PRRT3: variants seen among roughly 807,000 people sequenced by gnomAD.
PRRT3 encodes proline-rich transmembrane protein 3.
Under a neutral mutation model 56.6 loss-of-function variants are expected in PRRT3, and 48 were observed. The observed-to-expected ratio is 0.85, with a 90% CI of 0.67 to 1.08. The LOEUF is 1.08. PRRT3 is among the 50% of genes least tolerant of loss of function. The probability of loss-of-function intolerance (pLI) is 0.00; values close to 1 mark genes in which losing one functional copy is unlikely to be tolerated. For synonymous variants in PRRT3, 641 were observed against 619.1 expected, an observed-to-expected ratio of 1.04 and a Z score of -0.52; for missense variants, 1,370 against 1,353.1, an observed-to-expected ratio of 1.01 and a Z score of -0.20.
chr3:9,950,771 G>A (rs1045363475), intron 1 of PRRT3, among the ~76,000 whole-genome samples: 2 of 152,200 alleles, frequency 1.3e-5, no homozygotes, highest in Non-Finnish European at 2.9e-5. Flanking sequence ...CTAAAGTGCT[G>A]GGATTACAGG....
rs552062536 is a variant in PRRT3, at chr3:9,945,642, C to T, written c.*585G>A. 5.9e-5 allele frequency: 9 copies of T among 153,402 alleles called. No individual in the cohort carries two copies. Among genetic ancestry groups the T allele is most frequent in the African/African-American group, 1.7e-4 (7 of 41,432 alleles). The allele number at this position is 153,402 out of a possible 1,614,324, so 9.5% of individuals were successfully genotyped here. A position where few individuals can be genotyped will look rare whatever the true frequency, so the allele number is the denominator to read the frequency against. ...GAGTCTGGGGCACCTGCTCCCTGTT[C>T]TTCATGCCCGAATCCATGCACACCC... On this transcript the variant is annotated 3_prime_UTR_variant, in exon 4 of 4. Coordinates refer to ENST00000412055, the MANE Select transcript of PRRT3 (RefSeq NM_207351.5).
rs1223221993 is a variant in PRRT3, at chr3:9,947,173, C to A, written c.2000G>T (p.Arg667Leu). 4 of 1,533,264 alleles carry A rather than the reference C, an allele frequency of 2.6e-6. No homozygotes were observed. Among genetic ancestry groups the A allele is most frequent in the Middle Eastern group, 1.8e-4 (1 of 5,598 alleles). The allele number at this position is 1,533,264 out of a possible 1,614,324, so 95.0% of individuals were successfully genotyped here. A position where few individuals can be genotyped will look rare whatever the true frequency, so the allele number is the denominator to read the frequency against. ...AALWLYPGPG[R>L]VGRFSWAWWG... ...CCAGGCCCACGAGAAGCGGCCCACGCGGCCTGGGCCCGGGTACAGCCAGAG... is the reference window on the plus strand; with the variant it reads ...CCAGGCCCACGAGAAGCGGCCCACGAGGCCTGGGCCCGGGTACAGCCAGAG... Residue 667 changes from arginine (R) to leucine (L), a missense_variant, in exon 4 of 4, where the codon CGC (arginine) becomes CTC (leucine). Arg to Leu is a moderately radical substitution (Grantham distance 102, BLOSUM62 -2). Coordinates refer to ENST00000412055, the MANE Select transcript of PRRT3 (RefSeq NM_207351.5). This position sits in a 1 kb window ranked among gnomAD's most constrained non-coding sequence, Gnocchi z 9.2.
intron 3 of PRRT3, 27 bp downstream of exon 3, chr3:9,948,731 C>T (rs1163991050): frequency 9.9e-6 from 16 of 1,613,602 alleles, no homozygotes; most frequent in Non-Finnish European, 6.8e-6. Context: ...AGCACTCCCT[C>T]TCCCCACACC....
chr3:9,948,948 C>G (rs759074419), intron 2 of PRRT3, 35 bp from the exon 3 acceptor site: 5 of 1,535,208 alleles, frequency 3.3e-6, no homozygotes, highest in Non-Finnish European at 3.5e-6. Context: ...CTTACCTGAC[C>G]CTCCTATGGT....
Position 9,946,697 on chromosome 3 carries a change from C to G in PRRT3, c.2476G>C (p.Val826Leu). Residue 826 changes from valine (V) to leucine (L), a missense_variant, in exon 4 of 4, where the codon GTG becomes CTG. Coordinates refer to ENST00000412055, the MANE Select transcript of PRRT3 (RefSeq NM_207351.5). The surrounding 1 kb of genome is among the most constrained non-coding windows in gnomAD (Gnocchi z 4.1). ...CAGCGCTGGAACACACTGTCTCGCA[C>G]TAGGTGCTCGCGGAAGAGCGCGGCG... Reference protein sequence around the residue: ...IDAALFREHLVRDSVFQRCGL... With the variant: ...IDAALFREHLLRDSVFQRCGL... 3.4e-6 allele frequency: 5 copies of G among 1,468,906 alleles called. No individual in the cohort carries two copies. Among genetic ancestry groups the G allele is most frequent in the Non-Finnish European group, 4.5e-6 (5 of 1,118,138 alleles). The allele number at this position is 1,468,906 out of a possible 1,614,324, so 91.0% of individuals were successfully genotyped here.
At position 9,946,800 on chromosome 3, in the gene PRRT3, G is replaced by A; in HGVS notation, c.2373C>T (p.Asn791=). Residue 791 remains asparagine, a synonymous_variant, in exon 4 of 4, where the codon AAC becomes AAT. Transcript: ENST00000412055. This position sits in a 1 kb window ranked among gnomAD's most constrained non-coding sequence, Gnocchi z 4.1. The stretch of plus-strand genomic sequence containing the variant: ...TCAGCGATGGCGCCGGTCCCACACC[G>A]TTGCGGGACAGTCCCGGGCCACCCT... ...GPQGGPGLSR[N]GVGPAPSLSE... is the part of the protein sequence containing the mutation. 4 of 1,551,274 alleles carry A rather than the reference G, an allele frequency of 2.6e-6. No individual in the cohort carries two copies. The highest frequency in any genetic ancestry group is 2.6e-6 in the Non-Finnish European group (3 of 1,156,200).
Position 9,949,753 on chromosome 3 carries a change from T to C in PRRT3, c.363A>G (p.Gly121=). ...PVTDDLQMAQ[G]PSSHGWTGPL... is the part of the protein sequence containing the mutation. ...GTCCTGTCCAGCCGTGGGAGCTTGG[T>C]CCTTGAGCCATCTGGAGGTCATCAG... The change falls in exon 2 of 4, where the codon GGA becomes GGG. Residue 121 remains glycine (G), a synonymous_variant. Transcript: ENST00000412055. The surrounding 1 kb of genome is among the most constrained non-coding windows in gnomAD (Gnocchi z 4.5). The C allele has an allele frequency of 6.2e-7, 1 of 1,614,146 alleles. No individual in the cohort carries two copies. Among genetic ancestry groups the C allele is most frequent in the South Asian group, 1.1e-5 (1 of 91,078 alleles).
rs1163590462 is a variant in PRRT3, at chr3:9,949,845, G to C, written c.271C>G (p.Pro91Ala). 3 of 1,613,776 alleles carry C rather than the reference G, an allele frequency of 1.9e-6. No individual in the cohort carries two copies. The highest frequency in any genetic ancestry group is 2.5e-6 in the Non-Finnish European group (3 of 1,179,866). Residue 91 changes from proline (P) to alanine (A), a missense_variant, in exon 2 of 4, where the codon CCC becomes GCC. Pro to Ala is a conservative substitution (Grantham distance 27). Coordinates refer to ENST00000412055, the MANE Select transcript of PRRT3 (RefSeq NM_207351.5). The surrounding 1 kb of genome is among the most constrained non-coding windows in gnomAD (Gnocchi z 4.5). The part of the protein sequence containing the change: ...EEMPEKPVAS[P>A]LGPALYGPKA... ...GGCCCGTACAGGGCTGGGCCAAGGGGAGAGGCTACAGGCTTCTCAGGCATC... is the reference window on the plus strand; with the variant it reads ...GGCCCGTACAGGGCTGGGCCAAGGGCAGAGGCTACAGGCTTCTCAGGCATC...
rs1269219183 is a variant in PRRT3, at chr3:9,947,732, G to A, written c.1441C>T (p.Leu481Phe). 2 of 1,556,830 alleles carry A rather than the reference G, an allele frequency of 1.3e-6. No individual in the cohort carries two copies. Among genetic ancestry groups the A allele is most frequent in the Non-Finnish European group, 1.7e-6 (2 of 1,155,280 alleles). Residue 481 changes from leucine (L) to phenylalanine (F), a missense_variant, in exon 4 of 4, where the codon CTC (leucine) becomes TTC (phenylalanine). Physicochemically the swap from Leu to Phe is conservative, Grantham distance 22. Transcript: ENST00000412055. The surrounding 1 kb of genome is among the most constrained non-coding windows in gnomAD (Gnocchi z 9.2). ...GCCAACAACGCGGGCAGCAGAAAGA[G>A]TACCCCCACCCCGTAGACGTGCAGC... Reference protein sequence around the residue: ...WELHVYGVGVLFLLPALLALA... With the variant: ...WELHVYGVGVFFLLPALLALA...
rs546231069 is a variant in PRRT3 at position 9,947,948 on chromosome 3, C to G, written c.1225G>C (p.Val409Leu). The part of the protein sequence containing the change: ...RPQSHPPAPP[V>L]QAPSTSRRGL... ...CGGCGTGACGTCGAGGGGGCCTGGA[C>G]TGGGGGTGCTGGGGGATGGCTTTGG... is the stretch of plus-strand genomic sequence containing the variant. The change falls in exon 4 of 4, where the codon GTC becomes CTC. Residue 409 changes from valine to leucine, a missense_variant. Transcript: ENST00000412055. This position sits in a 1 kb window ranked among gnomAD's most constrained non-coding sequence, Gnocchi z 9.2. 28 of 1,384,946 alleles carry G rather than the reference C, an allele frequency of 2.0e-5. 4 individuals carry two copies. The South Asian group carries it at 5.0e-4, about 25-fold the overall frequency. The allele number at this position is 1,384,946 out of a possible 1,614,324, so 85.8% of individuals were successfully genotyped here.
chr3:9,947,097 G>A lies in PRRT3; in HGVS notation c.2076C>T (p.Ala692=), dbSNP rs2085538399. The change falls in exon 4 of 4, where the codon GCC becomes GCT. Residue 692 remains alanine, a synonymous_variant. Coordinates refer to ENST00000412055, the MANE Select transcript of PRRT3 (RefSeq NM_207351.5). This position sits in a 1 kb window ranked among gnomAD's most constrained non-coding sequence, Gnocchi z 9.2. ...CGGCAGCCACCGCGGCCAACGCCAG[G>A]GCGAGCGCCCATGTCAGCTCCAGGA... ...LRLLELTWAL[A]LALAAVAAAR... is the part of the protein sequence containing the mutation. 2 of 1,536,658 alleles carry A rather than the reference G, an allele frequency of 1.3e-6. No homozygotes were observed. Among genetic ancestry groups the A allele is most frequent in the Non-Finnish European group, 1.7e-6 (2 of 1,146,600 alleles).
At chr3:9,948,252 C>T (rs2085562664) in intron 3 of PRRT3, 1 of 384,646 alleles carries the variant, frequency 2.6e-6, no homozygotes, top group Non-Finnish European at 4.6e-6. Context: ...CCCAGCAGTT[C>T]GACACATGGG....
Position 9,948,857 on chromosome 3 carries a change from C to T in PRRT3, c.1072G>A (p.Val358Met), listed in dbSNP as rs375040878. 147 of 1,610,030 alleles carry T rather than the reference C, an allele frequency of 9.1e-5. No individual in the cohort carries two copies. The highest frequency in any genetic ancestry group is 1.2e-4 in the Non-Finnish European group (140 of 1,177,914). The change falls in exon 3 of 4, where the codon GTG becomes ATG. Residue 358 changes from valine to methionine, a missense_variant. Coordinates refer to ENST00000412055, the MANE Select transcript of PRRT3 (RefSeq NM_207351.5). ...PISPQRVRGAVEAPGTPKSLI... is the reference protein window; with the variant it reads ...PISPQRVRGAMEAPGTPKSLI... ...GACTTGGGGGTGCCTGGGGCCTCCA[C>T]AGCTCCTCTCACCCGCTGGGGGGAG...
At position 9,946,300 on chromosome 3, in the gene PRRT3, C is replaced by T. The variant is rs370281350; in HGVS notation, c.2873G>A (p.Gly958Asp). The T allele has an allele frequency of 6.2e-6, 10 of 1,612,590 alleles. 1 individual carries two copies. Among genetic ancestry groups the T allele is most frequent in the Middle Eastern group, 1.6e-4 (1 of 6,082 alleles). ...PDSTAARQGD[G>D]QGEVQPRGKP... ...GCCGCGCGGCTGGACCTCTCCCTGG[C>T]CGTCCCCCTGCCGAGCGGCGGTAGA... is the stretch of plus-strand genomic sequence containing the variant. Residue 958 changes from glycine to aspartate, a missense_variant, in exon 4 of 4, where the codon GGC (glycine) becomes GAC (aspartate). Physicochemically the swap from Gly to Asp is moderately conservative, Grantham distance 94. Coordinates refer to ENST00000412055, the MANE Select transcript of PRRT3 (RefSeq NM_207351.5). This position sits in a 1 kb window ranked among gnomAD's most constrained non-coding sequence, Gnocchi z 4.1.
Position 9,946,825 on chromosome 3 carries a change from TG to T in PRRT3, c.2347del (p.Gln783ArgfsTer17). 6.5e-7 allele frequency: 1 copy of T among 1,542,486 alleles called. No homozygotes were observed. The highest frequency in any genetic ancestry group is 8.7e-7 in the Non-Finnish European group (1 of 1,150,588). ...GSAASLGRGP[Q>X]GGPGLSRNGV... ...GTTGCGGGACAGTCCCGGGCCACCC[TG>T]GGGTCCGCGACCCAACGACGCAGCC... is the stretch of plus-strand genomic sequence containing the variant. On this transcript the variant is annotated frameshift_variant, in exon 4 of 4. Coordinates refer to ENST00000412055, the MANE Select transcript of PRRT3 (RefSeq NM_207351.5). LOFTEE classifies it high-confidence loss of function. This position sits in a 1 kb window ranked among gnomAD's most constrained non-coding sequence, Gnocchi z 4.1.
In PRRT3 at chr3:9,947,686, G is replaced by A; in HGVS notation, c.1487C>T (p.Ala496Val). The A allele has an allele frequency of 1.3e-6, 2 of 1,567,062 alleles. No homozygotes were observed. Among genetic ancestry groups the A allele is most frequent in the Non-Finnish European group, 1.7e-6 (2 of 1,159,852 alleles). ...ALLALAALAA[A>V]PAGPRLALVA... is the part of the protein sequence containing the mutation. ...CAATGCCAGCCGGGGCCCTGCTGGG[G>A]CGGCTGCCAGCGCAGCCAGCGCCAA... The change falls in exon 4 of 4, where the codon GCC becomes GTC. Residue 496 changes from alanine to valine, a missense_variant. Coordinates refer to ENST00000412055, the MANE Select transcript of PRRT3 (RefSeq NM_207351.5). This position sits in a 1 kb window ranked among gnomAD's most constrained non-coding sequence, Gnocchi z 9.2.
Position 9,949,160 on chromosome 3 carries a change from G to A in PRRT3, c.956C>T (p.Pro319Leu). 1 of 1,612,338 alleles carries A rather than the reference G, an allele frequency of 6.2e-7. No homozygotes were observed. The highest frequency in any genetic ancestry group is 8.5e-7 in the Non-Finnish European group (1 of 1,179,490). Residue 319 changes from proline to leucine, a missense_variant, in exon 2 of 4, where the codon CCA (proline) becomes CTA (leucine). Physicochemically the swap from Pro to Leu is moderately conservative, Grantham distance 98. Coordinates refer to ENST00000412055, the MANE Select transcript of PRRT3 (RefSeq NM_207351.5). This position sits in a 1 kb window ranked among gnomAD's most constrained non-coding sequence, Gnocchi z 4.5. The stretch of plus-strand genomic sequence containing the variant: ...GGGTGGATCCGTGGGCTGGGGTCCT[G>A]GTGAATCCTTAGCGTCAGGAAGGTC... ...QADLPDAKDS[P>L]GPQPTDPPAS...
At chr3:9,950,614 T>G (rs926097052) in intron 1 of PRRT3, among the ~76,000 whole-genome samples, 1 of 152,266 alleles carries the variant, frequency 6.6e-6, no homozygotes, top group Admixed American at 6.5e-5. Context: ...GTGATTCTCC[T>G]GCCTCAGCCT....
In PRRT3 at chr3:9,949,889, C is replaced by G; in HGVS notation, c.227G>C (p.Arg76Pro). Reference protein sequence around the residue: ...RADSHRNSDVRHAPAEEMPEK... With the variant: ...RADSHRNSDVPHAPAEEMPEK... ...AGGCATCTCTTCAGCAGGGGCGTGG[C>G]GGACATCAGAGTTCCTGTGACTGTC... Residue 76 changes from arginine to proline, a missense_variant, in exon 2 of 4, where the codon CGC (arginine) becomes CCC (proline). Arg to Pro is a moderately radical substitution (Grantham distance 103, BLOSUM62 -2). Coordinates refer to ENST00000412055, the MANE Select transcript of PRRT3 (RefSeq NM_207351.5). This position sits in a 1 kb window ranked among gnomAD's most constrained non-coding sequence, Gnocchi z 4.5. 6.2e-7 allele frequency: 1 copy of G among 1,613,194 alleles called. No homozygotes were observed. The highest frequency in any genetic ancestry group is 8.5e-7 in the Non-Finnish European group (1 of 1,179,444).
Sources: gnomAD v4.1 joint callset for allele counts (sites outside exome capture counted in the v4.1 genomes callset) on GRCh38, gnomAD v4.1.1 for gene constraint, Gnocchi (gnomAD v3.1) non-coding constraint, MANE v1.5 for transcripts, NCBI Gene and HGNC (gene_info 2026-07-23, HGNC 2026-07-21) for gene names.